The following RGS6 variants were observed in gnomAD, a reference collection of about 807,000 sequenced individuals.
The protein encoded by RGS6 is regulator of G protein signaling 6.
In RGS6, 30 loss-of-function variants were observed where a neutral mutation model predicts 78.5. The ratio of observed to expected loss-of-function variants is 0.38; its 90% CI spans 0.29 to 0.52. RGS6 has a LOEUF of 0.52. Among genes scored for constraint, RGS6 ranks in the 20% least tolerant of loss-of-function variants. The pLI is 0.85. For missense variants in RGS6, 495 were observed against 609.7 expected, an observed-to-expected ratio of 0.81 and a Z score of 1.98; for synonymous variants, 206 against 206.0, an observed-to-expected ratio of 1.00 and a Z score of 0.00.
intron 3 of RGS6, among the ~76,000 whole-genome samples, chr14:72,407,337 C>T (rs962313871): frequency 6.6e-6 from 1 of 152,162 alleles, no homozygotes; most frequent in Non-Finnish European, 1.5e-5. Context: ...GTCTTGGAGT[C>T]TTTATTGGTT....
chr14:72,003,291 C>T (rs2083846224), intron 2 of RGS6, among the ~76,000 whole-genome samples: 1 of 152,178 alleles, frequency 6.6e-6, no homozygotes, highest in South Asian at 2.1e-4. Context: ...GCAAAATTTA[C>T]CATTCGACGT....
the RGS6 span, among the ~76,000 whole-genome samples, chr14:72,599,536 G>A: frequency 0.028 from 4,027 of 146,058 alleles, 136 homozygotes; most frequent in African/African-American, 0.076. Flanking sequence ...AACCTCCCGA[G>A]TAGCTGGGAC....
At position 72,009,674 on chromosome 14, in the gene RGS6, C is replaced by G. The variant is rs148745065; in HGVS notation, c.84+44799C>G. Among the ~76,000 whole-genome samples the G allele has an allele frequency of 2.0e-5, 3 of 152,318 alleles. No individual in the cohort carries two copies. In the East Asian group the frequency reaches 5.8e-4, roughly 29 times the overall value. On this transcript the variant is annotated intron_variant, in intron 2 of 17. Transcript: ENST00000553525. Reference sequence around the variant, plus strand: ...CAACCCAGAGCTCCTGAGCTAGGAGCACCTAGATCTTCCTAGACCCTCAGA... The same window carrying G: ...CAACCCAGAGCTCCTGAGCTAGGAGGACCTAGATCTTCCTAGACCCTCAGA...
chr14:72,195,921 A>G (rs950284067), intron 2 of RGS6, among the ~76,000 whole-genome samples: 4 of 152,212 alleles, frequency 2.6e-5, no homozygotes, highest in Non-Finnish European at 5.9e-5. Context: ...CAAGATTTTG[A>G]ACTTAAATTT....
intron 2 of RGS6, among the ~76,000 whole-genome samples, chr14:72,158,174 G>A (rs891746795): frequency 6.6e-6 from 1 of 152,316 alleles, no homozygotes; most frequent in East Asian, 1.9e-4. Flanking sequence ...GAGAATGAAA[G>A]GCATCGGTAG....
intron 3 of RGS6, among the ~76,000 whole-genome samples, chr14:72,413,840 C>G (rs2093610053): frequency 4.6e-5 from 7 of 151,442 alleles, no homozygotes; most frequent in African/African-American, 4.9e-5. Flanking sequence ...CTTAGTTTGG[C>G]TGGATATGAA....
the RGS6 span, among the ~76,000 whole-genome samples, chr14:72,605,609 C>T: frequency 0.012 from 1,783 of 152,272 alleles, 45 homozygotes; most frequent in African/African-American, 0.041. Flanking sequence ...CAAGACAGGC[C>T]GGGCTGGGGA....
intron 3 of RGS6, among the ~76,000 whole-genome samples, chr14:72,380,746 T>C (rs1257550623): frequency 6.6e-6 from 1 of 152,134 alleles, no homozygotes; most frequent in South Asian, 2.1e-4. Context: ...AGAGCCACTA[T>C]GGAGAACAGT....
chr14:72,340,032 C>T (rs1034684739), intron 2 of RGS6, among the ~76,000 whole-genome samples: 5 of 152,102 alleles, frequency 3.3e-5, no homozygotes, highest in Admixed American at 2.6e-4. Context: ...TAAGAAAGCA[C>T]CAAGGGAAGG....
At chr14:72,325,690 A>G (rs1455475288) in intron 2 of RGS6, among the ~76,000 whole-genome samples, 3 of 152,216 alleles carry the variant, frequency 2.0e-5, no homozygotes, top group Non-Finnish European at 4.4e-5. Context: ...CTTGAATAAA[A>G]TTAAAAAACA....
intron 2 of RGS6, among the ~76,000 whole-genome samples, chr14:72,286,551 C>T (rs756826482): frequency 2.0e-5 from 3 of 151,482 alleles, no homozygotes; most frequent in African/African-American, 7.3e-5. Flanking sequence ...GTAAAAAATG[C>T]CCTTGGGATT....
intron 13 of RGS6, among the ~76,000 whole-genome samples, chr14:72,503,454 A>G (rs562433424): frequency 1.3e-5 from 2 of 152,350 alleles, no homozygotes; most frequent in South Asian, 2.1e-4. Context: ...ATGAGATTAA[A>G]GATACCATTC....
intron 3 of RGS6, among the ~76,000 whole-genome samples, chr14:72,401,718 G>C (rs899021228): frequency 1.3e-5 from 2 of 150,334 alleles, no homozygotes; most frequent in African/African-American, 4.9e-5. Flanking sequence ...TTAAAATAAA[G>C]CAAGGAAGAT....
At chr14:72,293,638 T>A (rs927991213) in intron 2 of RGS6, among the ~76,000 whole-genome samples, 5 of 152,212 alleles carry the variant, frequency 3.3e-5, no homozygotes, top group African/African-American at 1.2e-4. Context: ...TAAAAGCAAA[T>A]GCCGACCAAG....
the RGS6 span, among the ~76,000 whole-genome samples, chr14:72,577,648 C>A: frequency 6.6e-6 from 1 of 152,220 alleles, no homozygotes; most frequent in African/African-American, 2.4e-5. Context: ...TCCAGGTCCA[C>A]ATGCTGCTGG....
chr14:72,401,756 A>G (rs1241014818), intron 3 of RGS6, among the ~76,000 whole-genome samples: 1 of 152,156 alleles, frequency 6.6e-6, no homozygotes, highest in Non-Finnish European at 1.5e-5. Flanking sequence ...AAGCATCCAA[A>G]CCTGAAAGAA....
intron 12 of RGS6, among the ~76,000 whole-genome samples, chr14:72,481,966 G>A (rs1219754135): frequency 2.0e-5 from 3 of 151,802 alleles, no homozygotes; most frequent in African/African-American, 7.3e-5. Context: ...CTGCCACCAA[G>A]CCTGGCTAAT....
intron 2 of RGS6, among the ~76,000 whole-genome samples, chr14:72,254,229 C>A (rs1028690162): frequency 6.6e-6 from 1 of 152,122 alleles, no homozygotes; most frequent in African/African-American, 2.4e-5. Context: ...ACAAGCCTGG[C>A]CTTTGAAAAA....
At chr14:72,052,636 G>A (rs2093319792) in intron 2 of RGS6, among the ~76,000 whole-genome samples, 1 of 107,360 alleles carries the variant, frequency 9.3e-6, no homozygotes, top group African/African-American at 3.9e-5. Flanking sequence ...TCCCTAGCAT[G>A]AGGAATTTTT....
Sources: gnomAD v4.1 joint callset for allele counts (sites outside exome capture counted in the v4.1 genomes callset) on GRCh38, gnomAD v4.1.1 for gene constraint, MANE v1.5 for transcripts, NCBI Gene and HGNC (gene_info 2026-07-23, HGNC 2026-07-21) for gene names.